ZSCAN12: variants seen among roughly 807,000 people sequenced by gnomAD.
The protein encoded by ZSCAN12 is zinc finger and SCAN domain containing 12.
ZSCAN12 carries 18 observed loss-of-function variants against 23.4 expected under a neutral mutation model. That is an observed-to-expected ratio of 0.77 (90% CI 0.53 to 1.14). ZSCAN12 has a LOEUF of 1.14. Among genes scored for constraint, ZSCAN12 ranks in the 50% most tolerant of loss-of-function variants. ZSCAN12 has a pLI of 0.00. For synonymous variants in ZSCAN12, 186 were observed against 253.4 expected (o/e 0.73, Z 2.53); for missense variants, 650 against 735.0 (o/e 0.88, Z 1.34).
At position 28,385,537 on chromosome 6, in the gene ZSCAN12, A is replaced by G. The variant is rs574738972; in HGVS notation, c.*4917T>C. 4.2e-4 allele frequency among the ~76,000 whole-genome samples: 64 copies of G among 152,356 alleles called. No individual in the cohort carries two copies. The highest frequency in any genetic ancestry group is 8.2e-4 in the Non-Finnish European group (56 of 68,026). ...ACCACTGCAACACATGGTTTGTTCA[A>G]CTGAAATAAAGAGAGGAAGTGTATC... On this transcript the variant is annotated 3_prime_UTR_variant, in exon 4 of 4. Transcript: ENST00000684592.
Position 28,390,766 on chromosome 6 carries a change from T to C in ZSCAN12, c.1524A>G (p.Gln508=). Residue 508 remains glutamine, a synonymous_variant, in exon 4 of 4, where the codon CAA becomes CAG. Transcript: ENST00000684592. ...KCDKCGKAFT[Q]RSVLTEHQRI... ...TCTGATGTTCCGTGAGGACTGATCT[T>C]TGAGTAAACGCCTTCCCACACTTAT... The C allele has an allele frequency of 6.2e-7, 1 of 1,607,216 alleles. No individual in the cohort carries two copies. The highest frequency in any genetic ancestry group is 1.1e-5 in the South Asian group (1 of 90,056).
chr6:28,383,794 T>C (rs1760407669), downstream of ZSCAN12, among the ~76,000 whole-genome samples: 1 of 152,132 alleles, frequency 6.6e-6, no homozygotes, highest in Admixed American at 6.5e-5. Flanking sequence ...AAAGTATACC[T>C]GGGTGGGAGC....
At chr6:28,379,106 C>T (rs541489411) in exon 5 of ZSCAN12, 1 of 152,176 alleles carries the variant, frequency 6.6e-6, no homozygotes, top group African/African-American at 2.4e-5. Context: ...AATATATAAG[C>T]CTTACTCTCC....
In ZSCAN12 at chr6:28,384,937, G is replaced by A. The variant is rs370319508; in HGVS notation, c.*5517C>T. ...AAAGTTGGGAAGAGATTCAATTAAAGGCTATCGAATGATTATGTCTAGGTT... is the reference window on the plus strand; with the variant it reads ...AAAGTTGGGAAGAGATTCAATTAAAAGCTATCGAATGATTATGTCTAGGTT... On this transcript the variant is annotated 3_prime_UTR_variant, in exon 4 of 4. Transcript: ENST00000684592. 4.6e-5 allele frequency among the ~76,000 whole-genome samples: 7 copies of A among 152,312 alleles called. No homozygotes were observed. In the East Asian group the frequency reaches 1.2e-3, roughly 25 times the overall value.
At chr6:28,381,062 A>AGAAGAGACAGCTAGGCAG (rs1302159199), downstream of ZSCAN12, 1 of 152,244 alleles carries the variant, frequency 6.6e-6, no homozygotes, top group East Asian at 1.9e-4. Flanking sequence ...AATTTGGGTG[A>AGAAGAGACAGCTAGGCAG]GAAGAGACAG....
chr6:28,395,977 G>T (rs1761085951), intron 2 of ZSCAN12, among the ~76,000 whole-genome samples: 1 of 149,224 alleles, frequency 6.7e-6, no homozygotes, highest in African/African-American at 2.5e-5. Context: ...GTTGTTGTTT[G>T]AACAGAATTT....
At chr6:28,382,743 A>G, downstream of ZSCAN12, 1 of 1,379,818 alleles carries the variant, frequency 7.2e-7, no homozygotes, top group Non-Finnish European at 9.5e-7. Flanking sequence ...GGAAAGCAAA[A>G]GTGACTGCAA....
intron 2 of ZSCAN12, among the ~76,000 whole-genome samples, chr6:28,396,060 C>T (rs1359063707): frequency 6.7e-6 from 1 of 148,364 alleles, no homozygotes; most frequent in African/African-American, 2.5e-5. Context: ...CACTGTGTCG[C>T]CCAGGCTGGA....
downstream of ZSCAN12, among the ~76,000 whole-genome samples, chr6:28,384,400 C>T (rs1760442117): frequency 6.6e-6 from 1 of 152,056 alleles, no homozygotes; most frequent in African/African-American, 2.4e-5. Flanking sequence ...AGGAGCAGGC[C>T]AACTGGGCTT....
rs1395979386 is a variant in ZSCAN12 at position 28,398,048 on chromosome 6, C to A, written c.358G>T (p.Val120Leu). The A allele has an allele frequency of 6.2e-7, 1 of 1,611,856 alleles. No homozygotes were observed. Among genetic ancestry groups the A allele is most frequent in the Non-Finnish European group, 8.5e-7 (1 of 1,178,830 alleles). ...HPESGEEVVT[V>L]LEDLERELDE... ...AGTTCTCTCTCTAAATCCTCCAGCA[C>A]AGTCACCACCTCCTCCCCACTCTCT... is the stretch of plus-strand genomic sequence containing the variant. The change falls in exon 2 of 4, where the codon GTG (valine) becomes TTG (leucine). Residue 120 changes from valine to leucine, a missense_variant. By Grantham distance (32) the Val-to-Leu change is conservative. Transcript: ENST00000684592.
chr6:28,385,072 ATG>A lies in ZSCAN12; in HGVS notation c.*5380_*5381del, dbSNP rs940205175. On this transcript the variant is annotated 3_prime_UTR_variant, in exon 4 of 4. Transcript: ENST00000684592. ...AAGAAAAATATCATATATCACATAT[ATG>A]TGTGTGTGTGCATTTTTAAATCCAA... 1.1e-4 allele frequency among the ~76,000 whole-genome samples: 16 copies of A among 152,124 alleles called. No homozygotes were observed. Among genetic ancestry groups the A allele is most frequent in the Non-Finnish European group, 2.2e-4 (15 of 68,010 alleles).
chr6:28,379,133 T>G (rs7774981), exon 5 of ZSCAN12: 1 of 151,968 alleles, frequency 6.6e-6, no homozygotes. Flanking sequence ...GGGTAGAGAT[T>G]GGGCTACATT....
chr6:28,382,681 T>TG (rs1760320857), downstream of ZSCAN12: 8 of 1,492,430 alleles, frequency 5.4e-6, no homozygotes, highest in Non-Finnish European at 7.1e-6. Flanking sequence ...CTCACTTATC[T>TG]GAACAAGGCA....
Position 28,391,840 on chromosome 6 carries a change from C to T in ZSCAN12, c.548-98G>A. ...GTTTAGAAATAAAAAATGCAAGAGT[C>T]TACCATCTTAGTGATAAAGAGAGCA... On this transcript the variant is annotated intron_variant, in intron 3 of 3. Coordinates refer to ENST00000684592, the MANE Select transcript of ZSCAN12 (RefSeq NM_001163391.2). This position sits in a 1 kb window ranked among gnomAD's most constrained non-coding sequence, Gnocchi z 4.1. The T allele has an allele frequency of 9.5e-7, 1 of 1,051,554 alleles. No individual in the cohort carries two copies. The allele number at this position is 1,051,554 out of a possible 1,614,324, so 65.1% of individuals were successfully genotyped here.
chr6:28,382,702 A>C (rs2232438), downstream of ZSCAN12: 87,049 of 1,455,144 alleles, frequency 0.06, 3,483 homozygotes, highest in South Asian at 0.17. Context: ...CTGAAAGAAA[A>C]CGGAACTCTG....
intron 1 of ZSCAN12, 99 bp from the exon 2 acceptor site, chr6:28,398,572 T>C (rs1025418967): frequency 1.2e-5 from 8 of 645,372 alleles, no homozygotes; most frequent in Non-Finnish European, 1.8e-5. Flanking sequence ...GACCTCCGGA[T>C]TAATGTACAA....
Position 28,398,436 on chromosome 6 carries a change from A to G in ZSCAN12, c.-31T>C. On this transcript the variant is annotated 5_prime_UTR_variant, in exon 2 of 4. Coordinates refer to ENST00000684592, the MANE Select transcript of ZSCAN12 (RefSeq NM_001163391.2). ...CTGTGCTAGAACTACCGGTGTTTCA[A>G]GTAAGATCTCACCTGGAAACTGTAT... The G allele has an allele frequency of 6.6e-7, 1 of 1,504,278 alleles. No individual in the cohort carries two copies. The highest frequency in any genetic ancestry group is 1.4e-5 in the African/African-American group (1 of 71,648). 93.2% of individuals were successfully genotyped at this position (1,504,278 alleles called of 1,614,324 possible).
chr6:28,382,066 G>A (rs1363642986), downstream of ZSCAN12: 1 of 138,966 alleles, frequency 7.2e-6, no homozygotes, highest in East Asian at 2.0e-4. Context: ...CCTTTTGCTA[G>A]TCAAGCTATA....
At chr6:28,397,800 T>G (rs998543877) in intron 2 of ZSCAN12, among the ~76,000 whole-genome samples, 29 of 152,132 alleles carry the variant, frequency 1.9e-4, no homozygotes, top group Admixed American at 2.6e-4. Context: ...ATTTTGTAGC[T>G]TAATAGAGAA....
Sources: allele counts gnomAD v4.1 joint callset (sites outside exome capture counted in the v4.1 genomes callset), GRCh38; gene constraint gnomAD v4.1.1; non-coding constraint Gnocchi (gnomAD v3.1); transcripts MANE v1.5; gene names NCBI Gene and HGNC (gene_info 2026-07-23, HGNC 2026-07-21).